The following RREB1 variants were observed in gnomAD, a reference collection of about 807,000 sequenced individuals.
RREB1 encodes ras responsive element binding protein 1, also known as ras-responsive element-binding protein 1.
Under a neutral mutation model 117.8 loss-of-function variants are expected in RREB1, and 27 were observed. The observed-to-expected ratio is 0.23, with a 90% CI of 0.17 to 0.32. The LOEUF is 0.32. Ranked by LOEUF, RREB1 falls within the 10% of genes least tolerant of loss-of-function variation. The probability of loss-of-function intolerance (pLI) is 1.00; values close to 1 mark genes in which losing one functional copy is unlikely to be tolerated. For missense variants in RREB1, 2,577 were observed against 2,378.2 expected (o/e 1.08, Z -1.74); for synonymous variants, 1,298 against 1,026.7 (o/e 1.26, Z -5.05).
intron 1 of RREB1, among the ~76,000 whole-genome samples, chr6:7,112,972 G>T (rs1172839396): frequency 2.0e-5 from 3 of 152,206 alleles, no homozygotes; most frequent in Non-Finnish European, 4.4e-5. Flanking sequence ...TCTTATTTCT[G>T]GTGGGACTTC....
intron 1 of RREB1, among the ~76,000 whole-genome samples, chr6:7,150,781 A>G (rs1763085588): frequency 1.3e-5 from 2 of 152,218 alleles, no homozygotes; most frequent in South Asian, 4.1e-4. Context: ...CGAGGGTGGA[A>G]GAGCTTGTCT....
chr6:7,188,527 C>T (rs1765225998), intron 5 of RREB1, among the ~76,000 whole-genome samples: 1 of 151,958 alleles, frequency 6.6e-6, no homozygotes, highest in South Asian at 2.1e-4. Flanking sequence ...TGCTTTTCTC[C>T]TTTATTATGA....
chr6:7,192,116 A>ATTTTTTTTTTTTTTTTTTTTTTTTTTTTT (rs34074532), intron 6 of RREB1, among the ~76,000 whole-genome samples: 1 of 15,296 alleles, frequency 6.5e-5, no homozygotes, highest in East Asian at 3.5e-3. Context: ...TTGTCAGATG[A>ATTTTTTTTTTTTTTTTTTTTTTTTTTTTT]TTTTTTTTTT....
intron 1 of RREB1, among the ~76,000 whole-genome samples, chr6:7,125,856 T>A (rs890035717): frequency 6.6e-6 from 1 of 152,066 alleles, no homozygotes; most frequent in Non-Finnish European, 1.5e-5. Context: ...GTGTTTGGGA[T>A]GGGGGTTCCC....
intron 7 of RREB1, among the ~76,000 whole-genome samples, chr6:7,211,317 T>C (rs924295046): frequency 1.5e-4 from 1 of 6,590 alleles, no homozygotes; most frequent in Non-Finnish European, 3.4e-4. Context: ...GGTGGGAGGG[T>C]GGGTGGATGG....
At chr6:7,109,678 C>T (rs1761041113) in intron 1 of RREB1, among the ~76,000 whole-genome samples, 2 of 152,242 alleles carry the variant, frequency 1.3e-5, no homozygotes, top group African/African-American at 4.8e-5. Context: ...ATTTGCCCTC[C>T]CTCGCTCCTT....
chr6:7,196,218 G>GTTTTTTTTTTTTTTTTTTTTTTTTTTTTC (rs58448175), intron 6 of RREB1, among the ~76,000 whole-genome samples: 1 of 121,470 alleles, frequency 8.2e-6, no homozygotes, highest in Admixed American at 8.5e-5. Context: ...TTTTTTTTTC[G>GTTTTTTTTTTTTTTTTTTTTTTTTTTTTC]TTTTTTTTTT....
chr6:7,166,972 A>G (rs1342756247), intron 1 of RREB1, among the ~76,000 whole-genome samples: 1 of 152,202 alleles, frequency 6.6e-6, no homozygotes, highest in Non-Finnish European at 1.5e-5. Context: ...CAGAAGCTGG[A>G]AATGTGACCG....
intron 5 of RREB1, 191 bp downstream of exon 5, chr6:7,187,714 C>T (rs1395025494): frequency 1.3e-5 from 4 of 296,698 alleles, no homozygotes; most frequent in Non-Finnish European, 2.4e-5. Flanking sequence ...ATTATTCTTC[C>T]TTAAGCACAG....
At chr6:7,245,743 T>C (rs1434435666) in intron 11 of RREB1, among the ~76,000 whole-genome samples, 2 of 152,132 alleles carry the variant, frequency 1.3e-5, no homozygotes, top group Admixed American at 1.3e-4. Context: ...CTCCCCTCAC[T>C]GTGTGCTGTT....
rs962953737 is a variant in RREB1 at position 7,114,217 on chromosome 6, G to T, written c.-285+6157G>T. 5.3e-5 allele frequency among the ~76,000 whole-genome samples: 8 copies of T among 152,280 alleles called. No homozygotes were observed. The East Asian group carries it at 5.8e-4, about 11-fold the overall frequency. On this transcript the variant is annotated intron_variant, in intron 1 of 12. Transcript: ENST00000379938. ...CCTGTCTGCAACCTCCACCTCCAGGGTTCAAGCGATTCTCCTGCCTCAGTC... is the reference window on the plus strand; with the variant it reads ...CCTGTCTGCAACCTCCACCTCCAGGTTTCAAGCGATTCTCCTGCCTCAGTC...
At chr6:7,148,740 T>G (rs1209391237) in intron 1 of RREB1, among the ~76,000 whole-genome samples, 1 of 152,242 alleles carries the variant, frequency 6.6e-6, no homozygotes, top group African/African-American at 2.4e-5. Flanking sequence ...AATTAATTTC[T>G]GAATACTTTC....
chr6:7,153,632 G>A (rs1407618779), intron 1 of RREB1, among the ~76,000 whole-genome samples: 1 of 152,188 alleles, frequency 6.6e-6, no homozygotes, highest in Non-Finnish European at 1.5e-5. Context: ...TGAGAGTAGG[G>A]TAGAAATTCT....
chr6:7,232,501 G>T (rs1056052002), intron 10 of RREB1, among the ~76,000 whole-genome samples: 1 of 152,156 alleles, frequency 6.6e-6, no homozygotes, highest in Non-Finnish European at 1.5e-5. Flanking sequence ...ATGAGTGGTG[G>T]TAGAATGTTT....
At position 7,249,741 on chromosome 6, in the gene RREB1, A is replaced by T. The variant is rs1031104823; in HGVS notation, c.*773A>T. The T allele has an allele frequency of 6.6e-6, 1 of 152,102 alleles. No homozygotes were observed. The highest frequency in any genetic ancestry group is 1.5e-5 in the Non-Finnish European group (1 of 68,018). The allele number at this position is 152,102 out of a possible 1,614,324, so 9.4% of individuals were successfully genotyped here. Reference sequence around the variant, plus strand: ...CCTGGCGTCTTAACCTATGGAAAACATGCACGGATAGGATATATTTGATTG... The same window carrying T: ...CCTGGCGTCTTAACCTATGGAAAACTTGCACGGATAGGATATATTTGATTG... On this transcript the variant is annotated 3_prime_UTR_variant, in exon 13 of 13. Coordinates refer to ENST00000379938, the MANE Select transcript of RREB1 (RefSeq NM_001003699.4).
In RREB1 at chr6:7,231,228, T is replaced by G; in HGVS notation, c.3129T>G (p.Arg1043=). The change falls in exon 10 of 13, where the codon CGT becomes CGG. Residue 1043 remains arginine, a synonymous_variant. Transcript: ENST00000379938. ...SALLSGTALL[R]PLRPKPPLLL... ...TCCTGAGTGGCACAGCCTTGCTGCGTCCACTGCGGCCCAAGCCCCCGCTGC... is the reference window on the plus strand; with the variant it reads ...TCCTGAGTGGCACAGCCTTGCTGCGGCCACTGCGGCCCAAGCCCCCGCTGC... 1 of 1,612,416 alleles carries G rather than the reference T, an allele frequency of 6.2e-7. No homozygotes were observed.
At chr6:7,192,286 G>A (rs1353082914) in intron 6 of RREB1, among the ~76,000 whole-genome samples, 19 of 151,658 alleles carry the variant, frequency 1.3e-4, no homozygotes, top group Non-Finnish European at 2.9e-5. Flanking sequence ...TGCGCCTCCC[G>A]GTTTCAAGTG....
chr6:7,245,644 A>G (rs1296700209), intron 11 of RREB1, among the ~76,000 whole-genome samples: 2 of 152,194 alleles, frequency 1.3e-5, no homozygotes, highest in East Asian at 3.9e-4. Flanking sequence ...AGATAGGAAC[A>G]AATCAAGAGG....
chr6:7,157,362 A>C (rs1194574652), intron 1 of RREB1, among the ~76,000 whole-genome samples: 5 of 151,102 alleles, frequency 3.3e-5, no homozygotes, highest in Admixed American at 1.3e-4. Context: ...TGAACCCGGG[A>C]GGTGGAGGTT....
Sources: gnomAD v4.1 joint callset for allele counts (sites outside exome capture counted in the v4.1 genomes callset) on GRCh38, gnomAD v4.1.1 for gene constraint, MANE v1.5 for transcripts, NCBI Gene and HGNC (gene_info 2026-07-23, HGNC 2026-07-21) for gene names.